Variants in SCCPDH observed in about 807,000 individuals in gnomAD.
SCCPDH encodes saccharopine dehydrogenase-like oxidoreductase.
A neutral mutation model predicts 51.5 loss-of-function variants in SCCPDH; 34 were observed. That is an observed-to-expected ratio of 0.66 (90% confidence interval 0.50 to 0.88). SCCPDH has a LOEUF of 0.88. Among genes scored for constraint, SCCPDH ranks in the 40% least tolerant of loss-of-function variants. The pLI, the probability that SCCPDH is intolerant of heterozygous loss-of-function variation, is 0.00. For missense variants in SCCPDH, 464 were observed against 527.1 expected, an observed-to-expected ratio of 0.88 and a Z score of 1.17; for synonymous variants, 187 against 191.3, an observed-to-expected ratio of 0.98 and a Z score of 0.19.
chr1:246,744,248 A>C, intron 5 of SCCPDH, 123 bp downstream of exon 5: 1 of 455,854 alleles, frequency 2.2e-6, no homozygotes, highest in Non-Finnish European at 4.0e-6. Context: ...TTTAATTTTT[A>C]AAAAGATACA....
intron 2 of SCCPDH, among the ~76,000 whole-genome samples, chr1:246,732,393 ATT>A (rs879646248): frequency 6.9e-6 from 1 of 145,626 alleles, no homozygotes; most frequent in Non-Finnish European, 1.5e-5. Flanking sequence ...CTGCTTCCAG[ATT>A]TTTTTTTTTT....
intron 7 of SCCPDH, among the ~76,000 whole-genome samples, chr1:246,759,678 T>G (rs1668982934): frequency 6.6e-6 from 1 of 152,206 alleles, no homozygotes; most frequent in South Asian, 2.1e-4. Flanking sequence ...TATGTAGATT[T>G]TTGTGCCCAA....
intron 2 of SCCPDH, among the ~76,000 whole-genome samples, chr1:246,731,733 A>G (rs1558166630): frequency 2.0e-5 from 3 of 151,916 alleles, no homozygotes; most frequent in African/African-American, 4.8e-5. Context: ...TGTTATTTTT[A>G]TTTAAGTTCT....
chr1:246,725,207 A>G (rs982527423), intron 1 of SCCPDH, among the ~76,000 whole-genome samples: 2 of 152,224 alleles, frequency 1.3e-5, no homozygotes, highest in African/African-American at 2.4e-5. Flanking sequence ...ACGCTTACGT[A>G]TTCTCTAAGC....
rs534141708 is a variant in SCCPDH at position 246,736,964 on chromosome 1, T to A, written c.384+909T>A. Among the ~76,000 whole-genome samples the A allele has an allele frequency of 1.6e-4, 25 of 152,282 alleles. No homozygotes were observed. In the Middle Eastern group the frequency reaches 0.01, roughly 62 times the overall value. ...ACTCACTCAGTAATGCACCTAGTAA[T>A]GCACCTAGTAATGCACCTAGTAAGT... On this transcript the variant is annotated intron_variant, in intron 3 of 11. Transcript: ENST00000366510.
At chr1:246,737,443 C>T (rs1279773460) in intron 3 of SCCPDH, among the ~76,000 whole-genome samples, 1 of 152,092 alleles carries the variant, frequency 6.6e-6, no homozygotes, top group Non-Finnish European at 1.5e-5. Flanking sequence ...GATCATGCCA[C>T]TGCACTCCAG....
intron 2 of SCCPDH, among the ~76,000 whole-genome samples, chr1:246,735,481 G>T (rs577554697): frequency 6.3e-4 from 96 of 152,226 alleles, no homozygotes; most frequent in Middle Eastern, 3.4e-3. Context: ...ATTCCATCAT[G>T]CCTTTATTTA....
intron 7 of SCCPDH, 73 bp from the exon 8 acceptor site, chr1:246,759,883 AC>A: frequency 2.7e-6 from 4 of 1,458,134 alleles, no homozygotes; most frequent in Non-Finnish European, 3.7e-6. Context: ...AGAGAAAGGT[AC>A]AAGTAACTAA....
In SCCPDH at chr1:246,736,027, G is replaced by C. The variant is rs755528961; in HGVS notation, c.356G>C (p.Ser119Thr). The C allele has an allele frequency of 6.2e-7, 1 of 1,612,496 alleles. No homozygotes were observed. The highest frequency in any genetic ancestry group is 1.3e-5 in the African/African-American group (1 of 74,868). ...AAAGCATGTATTGAAAATGGAGCCA[G>C]TTGTATCGACATCAGTGGAGAACCT... ...VIKACIENGASCIDISGEPQF... is the reference protein window; with the variant it reads ...VIKACIENGATCIDISGEPQF... The change falls in exon 3 of 12, where the codon AGT becomes ACT. Residue 119 changes from serine to threonine, a missense_variant. Physicochemically the swap from Ser to Thr is moderately conservative, Grantham distance 58. Transcript: ENST00000366510.
chr1:246,755,944 G>T (rs943682522), intron 5 of SCCPDH: 1 of 152,146 alleles, frequency 6.6e-6, no homozygotes, highest in African/African-American at 2.4e-5. Flanking sequence ...TCTACTTGGA[G>T]AAAAAATGGA....
Position 246,760,206 on chromosome 1 carries a change from A to C in SCCPDH, c.969A>C (p.Lys323Asn). The C allele has an allele frequency of 6.2e-7, 1 of 1,610,428 alleles. No homozygotes were observed. The highest frequency in any genetic ancestry group is 2.2e-5 in the East Asian group (1 of 44,808). Residue 323 changes from lysine to asparagine, a missense_variant, in exon 9 of 12, where the codon AAA (lysine) becomes AAC (asparagine). Transcript: ENST00000366510. ...TCTTCTCCTTTGGCTATTTTTCAAA[A>C]CAAGGCCCAACACAAAAACAGGTAA... is the stretch of plus-strand genomic sequence containing the variant. ...PWFFSFGYFS[K>N]QGPTQKQIDA...
chr1:246,731,280 AAAG>A (rs1288990262), intron 2 of SCCPDH, among the ~76,000 whole-genome samples: 58 of 152,366 alleles, frequency 3.8e-4, no homozygotes. Context: ...CAGATTACTC[AAAG>A]AAGTGGGCCA....
chr1:246,749,908 A>G (rs1668825880), intron 5 of SCCPDH, among the ~76,000 whole-genome samples: 1 of 152,166 alleles, frequency 6.6e-6, no homozygotes, highest in South Asian at 2.1e-4. Context: ...GTCAAAAGTA[A>G]TGGTTTGGGG....
intron 5 of SCCPDH, among the ~76,000 whole-genome samples, chr1:246,745,131 T>C (rs1182446462): frequency 6.6e-6 from 1 of 152,214 alleles, no homozygotes; most frequent in East Asian, 1.9e-4. Context: ...ATGAGGTGAA[T>C]CTAGTCTTAC....
At chr1:246,748,624 T>C (rs1380829022) in intron 5 of SCCPDH, among the ~76,000 whole-genome samples, 2 of 152,224 alleles carry the variant, frequency 1.3e-5, no homozygotes, top group Admixed American at 1.3e-4. Flanking sequence ...TCTTTGTTTT[T>C]ATTAATTGTC....
At position 246,758,902 on chromosome 1, in the gene SCCPDH, C is replaced by G. The variant is rs1668971919; in HGVS notation, c.696-132C>G. On this transcript the variant is annotated intron_variant, in intron 6 of 11. Transcript: ENST00000366510. ...GTCCTGGCCTTAAGTGATCCTCCTGCCTCGGCCTCCCAAAGTGCTGGGATT... is the reference window on the plus strand; with the variant it reads ...GTCCTGGCCTTAAGTGATCCTCCTGGCTCGGCCTCCCAAAGTGCTGGGATT... The G allele has an allele frequency of 7.0e-6, 5 of 714,442 alleles. No individual in the cohort carries two copies. In the South Asian group the frequency reaches 7.5e-5, roughly 11 times the overall value. 44.3% of individuals were successfully genotyped at this position (714,442 alleles called of 1,614,324 possible). A position where few individuals can be genotyped will look rare whatever the true frequency, so the allele number is the denominator to read the frequency against.
intron 3 of SCCPDH, among the ~76,000 whole-genome samples, chr1:246,737,400 T>C (rs1668610315): frequency 6.6e-6 from 1 of 151,980 alleles, no homozygotes; most frequent in South Asian, 2.1e-4. Flanking sequence ...GAATATCACT[T>C]GAGCCTGGGA....
rs1458693950 is a variant in SCCPDH, at chr1:246,734,868, T to C, written c.304-1107T>C. 2.6e-5 allele frequency among the ~76,000 whole-genome samples: 4 copies of C among 152,220 alleles called. No individual in the cohort carries two copies. In the East Asian group the frequency reaches 7.7e-4, roughly 29 times the overall value. On this transcript the variant is annotated intron_variant, in intron 2 of 11. Coordinates refer to ENST00000366510, the MANE Select transcript of SCCPDH (RefSeq NM_016002.3). ...TGTATTAGCTTTTACATATGAAAAT[T>C]TGTATTTTAATTCCTTGAGTTTGAA...
intron 2 of SCCPDH, among the ~76,000 whole-genome samples, chr1:246,734,832 C>T (rs7526237): frequency 0.12 from 18,195 of 152,198 alleles, 1,410 homozygotes; most frequent in African/African-American, 0.19. Flanking sequence ...GGAAATGGGA[C>T]TGAATTCTGA....
Sources: gnomAD v4.1 joint callset for allele counts (sites outside exome capture counted in the v4.1 genomes callset) on GRCh38, gnomAD v4.1.1 for gene constraint, MANE v1.5 for transcripts, NCBI Gene and HGNC (gene_info 2026-07-23, HGNC 2026-07-21) for gene names.